DRC11: variants seen among roughly 807,000 people sequenced by gnomAD.
DRC11 encodes dynein regulatory complex subunit 11, also known as IQ and AAA domain-containing protein 1.
At chr2:236,406,759 T>C in the DRC11 span, among the ~76,000 whole-genome samples, 6 of 152,286 alleles carry the variant, frequency 3.9e-5, no homozygotes, top group South Asian at 1.2e-3. The surrounding 1 kb of genome is among the most constrained non-coding windows in gnomAD (Gnocchi z 4.7). Context: ...ATTTTTTTTT[T>C]TTTTGAGATG....
the DRC11 span, among the ~76,000 whole-genome samples, chr2:236,371,025 G>C: frequency 3.3e-5 from 5 of 152,262 alleles, no homozygotes; most frequent in South Asian, 1.0e-3. The surrounding 1 kb of genome is among the most constrained non-coding windows in gnomAD (Gnocchi z 5.1). Context: ...ACTAAAAAAA[G>C]CAACTTCGTG....
the DRC11 span, among the ~76,000 whole-genome samples, chr2:236,327,934 G>A: frequency 6.6e-6 from 1 of 152,190 alleles, no homozygotes; most frequent in Admixed American, 6.5e-5. Flanking sequence ...TGCCCGCCTT[G>A]ATTCACTGAG....
At chr2:236,452,412 C>T in the DRC11 span, among the ~76,000 whole-genome samples, 3 of 152,300 alleles carry the variant, frequency 2.0e-5, no homozygotes, top group South Asian at 6.2e-4. The surrounding 1 kb of genome is among the most constrained non-coding windows in gnomAD (Gnocchi z 4.7). Flanking sequence ...GGAGGGGTTT[C>T]CAGCCGGTCC....
chr2:236,357,278 T>G, the DRC11 span, among the ~76,000 whole-genome samples: 4 of 118,612 alleles, frequency 3.4e-5, no homozygotes, highest in Admixed American at 9.7e-5. Context: ...TATACATATA[T>G]TATATATTTA....
At chr2:236,479,371 C>A in the DRC11 span, among the ~76,000 whole-genome samples, 1 of 152,104 alleles carries the variant, frequency 6.6e-6, no homozygotes, top group East Asian at 1.9e-4. The surrounding 1 kb of genome is among the most constrained non-coding windows in gnomAD (Gnocchi z 4.1). Flanking sequence ...TAAGAATGTA[C>A]TACTGCCATT....
At chr2:236,406,579 C>T in the DRC11 span, among the ~76,000 whole-genome samples, 1,959 of 152,230 alleles carry the variant, frequency 0.013, 25 homozygotes, top group Non-Finnish European at 0.019. This position sits in a 1 kb window ranked among gnomAD's most constrained non-coding sequence, Gnocchi z 4.7. Context: ...AAGAGGCTGA[C>T]GATTTCCCAC....
the DRC11 span, among the ~76,000 whole-genome samples, chr2:236,386,868 G>A: frequency 2.7e-5 from 4 of 148,250 alleles, no homozygotes; most frequent in Admixed American, 1.4e-4. Context: ...TTGTGTCTTT[G>A]TTCTCGTTGG....
the DRC11 span, among the ~76,000 whole-genome samples, chr2:236,307,949 A>G: frequency 6.9e-6 from 1 of 145,912 alleles, no homozygotes; most frequent in Admixed American, 6.7e-5. This position sits in a 1 kb window ranked among gnomAD's most constrained non-coding sequence, Gnocchi z 7.0. Context: ...TTGCAGTGAC[A>G]CAAGCGTCCT....
At chr2:236,338,305 C>A in the DRC11 span, 6 of 1,613,942 alleles carry the variant, frequency 3.7e-6, no homozygotes, top group Non-Finnish European at 5.1e-6. Flanking sequence ...GTGTGGTCCC[C>A]ACAATCAGAA....
chr2:236,421,983 A>C, the DRC11 span, among the ~76,000 whole-genome samples: 1 of 152,220 alleles, frequency 6.6e-6, no homozygotes, highest in African/African-American at 2.4e-5. Flanking sequence ...TAGATGCAGA[A>C]AAGGCCTTTG....
At chr2:236,459,500 T>C in the DRC11 span, among the ~76,000 whole-genome samples, 647 of 103,070 alleles carry the variant, frequency 6.3e-3, 1 homozygote, top group African/African-American at 0.018. Flanking sequence ...TACGTATATA[T>C]GTATACGTAT....
chr2:236,437,401 T>C, the DRC11 span, among the ~76,000 whole-genome samples: 1 of 151,036 alleles, frequency 6.6e-6, no homozygotes, highest in Non-Finnish European at 1.5e-5. Flanking sequence ...ACAATAAACA[T>C]ACGTGTGCAT....
chr2:236,468,387 C>T, the DRC11 span, among the ~76,000 whole-genome samples: 26,393 of 151,926 alleles, frequency 0.17, 2,529 homozygotes, highest in Non-Finnish European at 0.22. Flanking sequence ...CGACCATGCC[C>T]GGCTGAGAAC....
chr2:236,331,793 C>T, the DRC11 span: 1 of 582,672 alleles, frequency 1.7e-6, no homozygotes, highest in African/African-American at 1.9e-5. The surrounding 1 kb of genome is among the most constrained non-coding windows in gnomAD (Gnocchi z 4.8). Flanking sequence ...ATAAGCCATA[C>T]ATATCAATGA....
At chr2:236,399,441 T>G in the DRC11 span, 1 of 1,614,032 alleles carries the variant, frequency 6.2e-7, no homozygotes. The surrounding 1 kb of genome is among the most constrained non-coding windows in gnomAD (Gnocchi z 7.0). Context: ...CTTCCTTCAT[T>G]GCAGGAAGAA....
chr2:236,452,228 T>C, the DRC11 span, among the ~76,000 whole-genome samples: 63 of 152,326 alleles, frequency 4.1e-4, no homozygotes, highest in African/African-American at 1.4e-3. The surrounding 1 kb of genome is among the most constrained non-coding windows in gnomAD (Gnocchi z 4.7). Flanking sequence ...CAAAAATTCT[T>C]GCACAAATGT....
chr2:236,501,557 T>C, the DRC11 span, among the ~76,000 whole-genome samples: 1 of 152,028 alleles, frequency 6.6e-6, no homozygotes, highest in Non-Finnish European at 1.5e-5. Flanking sequence ...ATTGAGATGA[T>C]CAAGGGAATG....
At chr2:236,500,118 T>TGGC in the DRC11 span, among the ~76,000 whole-genome samples, 9 of 150,344 alleles carry the variant, frequency 6.0e-5, no homozygotes, top group African/African-American at 1.8e-4. The surrounding 1 kb of genome is among the most constrained non-coding windows in gnomAD (Gnocchi z 6.3). Flanking sequence ...ATGATGATGA[T>TGGC]GGCGAAGGTA....
chr2:236,339,317 A>G, the DRC11 span, among the ~76,000 whole-genome samples: 1 of 152,186 alleles, frequency 6.6e-6, no homozygotes, highest in African/African-American at 2.4e-5. Context: ...TAATAGATAG[A>G]AGTCCCTCAA....
Sources: allele counts gnomAD v4.1 joint callset (sites outside exome capture counted in the v4.1 genomes callset), GRCh38; gene constraint gnomAD v4.1.1; non-coding constraint Gnocchi (gnomAD v3.1); transcripts MANE v1.5; gene names NCBI Gene and HGNC (gene_info 2026-07-23, HGNC 2026-07-21).